Variants in NFIA observed in about 807,000 individuals in gnomAD.
NFIA encodes the protein nuclear factor I A.
NFIA carries 8 observed loss-of-function variants against 62.8 expected under a neutral mutation model. The observed-to-expected ratio is 0.13, with a 90% CI of 0.07 to 0.23. The LOEUF (loss-of-function observed/expected upper bound fraction) is 0.23. Ranked by LOEUF, NFIA falls within the 10% of genes least tolerant of loss-of-function variation. The pLI is 1.00. For missense variants in NFIA, 410 were observed against 642.1 expected, an observed-to-expected ratio of 0.64 and a Z score of 3.91; for synonymous variants, 235 against 238.1, an observed-to-expected ratio of 0.99 and a Z score of 0.12.
intron 6 of NFIA, among the ~76,000 whole-genome samples, chr1:61,360,953 G>A (rs1260342785): frequency 6.6e-6 from 1 of 152,080 alleles, no homozygotes; most frequent in African/African-American, 2.4e-5. Context: ...AGTCTTCACT[G>A]GGGACTTTCT....
intron 2 of NFIA, among the ~76,000 whole-genome samples, chr1:61,206,963 A>G (rs1221921213): frequency 6.6e-6 from 1 of 152,206 alleles, no homozygotes. Context: ...GGTACTGTTT[A>G]TATCTTTCGA....
intron 2 of NFIA, among the ~76,000 whole-genome samples, chr1:61,232,790 G>A (rs1360310394): frequency 2.0e-5 from 3 of 151,650 alleles, no homozygotes; most frequent in African/African-American, 7.3e-5. Context: ...TTTTATGTAA[G>A]TTTTTTTCTT....
At chr1:61,377,210 G>A (rs1055481280) in intron 6 of NFIA, among the ~76,000 whole-genome samples, 4 of 144,710 alleles carry the variant, frequency 2.8e-5, no homozygotes, top group African/African-American at 7.8e-5. Flanking sequence ...GTAACAGACC[G>A]AGACTCCATC....
At chr1:61,237,757 C>T (rs940223766) in intron 2 of NFIA, among the ~76,000 whole-genome samples, 10 of 152,124 alleles carry the variant, frequency 6.6e-5, no homozygotes, top group Admixed American at 2.0e-4. Flanking sequence ...TTTACCCTTA[C>T]CACTTTGCTG....
chr1:61,366,901 C>T (rs567214685), intron 6 of NFIA, among the ~76,000 whole-genome samples: 32 of 152,096 alleles, frequency 2.1e-4, no homozygotes, highest in African/African-American at 6.5e-4. Flanking sequence ...CCAGTCTGGG[C>T]GACAAGAACA....
At chr1:61,141,506 A>AG (rs1226073356) in intron 2 of NFIA, among the ~76,000 whole-genome samples, 1 of 152,190 alleles carries the variant, frequency 6.6e-6, no homozygotes, top group Non-Finnish European at 1.5e-5. Flanking sequence ...CAGCCCTTGA[A>AG]GGGGAGGCAA....
At chr1:61,308,221 C>T in intron 3 of NFIA, among the ~76,000 whole-genome samples, 1 of 152,166 alleles carries the variant, frequency 6.6e-6, no homozygotes, top group East Asian at 1.9e-4. Flanking sequence ...TGAAGGAAGT[C>T]ACATTTTCTT....
rs559601625 is a variant in NFIA, at chr1:61,146,098, T to G, written c.559+57418T>G. ...TAGGCTCCAGGGGAGAACCTGTTCC[T>G]TGGGCCTTCCAGCATCTAGAGGCTG... On this transcript the variant is annotated intron_variant, in intron 2 of 10. Coordinates refer to ENST00000403491, the MANE Select transcript of NFIA (RefSeq NM_001134673.4). Among the ~76,000 whole-genome samples the G allele has an allele frequency of 5.3e-5, 8 of 152,334 alleles. No individual in the cohort carries two copies. In the East Asian group the frequency reaches 1.5e-3, roughly 29 times the overall value.
At chr1:61,180,606 C>T (rs1650695471) in intron 2 of NFIA, among the ~76,000 whole-genome samples, 1 of 152,120 alleles carries the variant, frequency 6.6e-6, no homozygotes, top group Non-Finnish European at 1.5e-5. Flanking sequence ...AGACAGAAGT[C>T]TTGGGACTCT....
intron 2 of NFIA, among the ~76,000 whole-genome samples, chr1:61,264,567 C>T (rs1471116819): frequency 6.8e-6 from 1 of 147,576 alleles, no homozygotes; most frequent in African/African-American, 2.5e-5. Flanking sequence ...GGGAGAATTG[C>T]CAGAACCCGG....
In NFIA at chr1:61,141,761, C is replaced by T. The variant is rs546710429; in HGVS notation, c.559+53081C>T. Among the ~76,000 whole-genome samples the T allele has an allele frequency of 3.3e-5, 5 of 152,258 alleles. No homozygotes were observed. In the South Asian group the frequency reaches 6.2e-4, roughly 19 times the overall value. The stretch of plus-strand genomic sequence containing the variant: ...CACCAAAATAGTTTCATTAACACAG[C>T]GATCATGCTCAGGAGATAGTGGCTA... On this transcript the variant is annotated intron_variant, in intron 2 of 10. Transcript: ENST00000403491.
At position 61,359,162 on chromosome 1, in the gene NFIA, C is replaced by G; in HGVS notation, c.834C>G (p.Leu278=). Reference sequence around the variant, plus strand: ...GTTATTTCAGCTCCACAAAGCGCCTCAAGTCTGTGGAGGATGAAATGGACA... The same window carrying G: ...GTTATTTCAGCTCCACAAAGCGCCTGAAGTCTGTGGAGGATGAAATGGACA... ...STSSTSSTKR[L]KSVEDEMDSP... The change falls in exon 6 of 11, where the codon CTC becomes CTG. Residue 278 remains leucine (L), a synonymous_variant. Coordinates refer to ENST00000403491, the MANE Select transcript of NFIA (RefSeq NM_001134673.4). 1 of 1,613,382 alleles carries G rather than the reference C, an allele frequency of 6.2e-7. No individual in the cohort carries two copies. Among genetic ancestry groups the G allele is most frequent in the Non-Finnish European group, 8.5e-7 (1 of 1,179,940 alleles).
At chr1:61,225,932 G>C (rs1654304294) in intron 2 of NFIA, among the ~76,000 whole-genome samples, 2 of 152,090 alleles carry the variant, frequency 1.3e-5, no homozygotes, top group South Asian at 4.1e-4. Context: ...GCAACTTTAA[G>C]GGACCATAAA....
intron 2 of NFIA, among the ~76,000 whole-genome samples, chr1:61,246,508 C>G (rs1446973910): frequency 6.6e-6 from 1 of 152,096 alleles, no homozygotes; most frequent in African/African-American, 2.4e-5. Flanking sequence ...TGCATGACTT[C>G]AGATGCAGTA....
At chr1:61,081,533 C>A (rs904385784), upstream of NFIA, among the ~76,000 whole-genome samples, 1 of 152,138 alleles carries the variant, frequency 6.6e-6, no homozygotes, top group Non-Finnish European at 1.5e-5. Context: ...AAGGGGACAT[C>A]CCTTTCACAT....
At chr1:61,228,232 G>T (rs1174931852) in intron 2 of NFIA, among the ~76,000 whole-genome samples, 1 of 152,164 alleles carries the variant, frequency 6.6e-6, no homozygotes, top group Non-Finnish European at 1.5e-5. Flanking sequence ...TGTGTTTTGA[G>T]AGTCCATTTT....
At chr1:61,312,199 G>A (rs963569388) in intron 3 of NFIA, among the ~76,000 whole-genome samples, 6 of 152,240 alleles carry the variant, frequency 3.9e-5, no homozygotes, top group Non-Finnish European at 8.8e-5. Flanking sequence ...TTGCAGCACA[G>A]TTGGCCTGCT....
intron 3 of NFIA, among the ~76,000 whole-genome samples, chr1:61,299,991 G>A (rs562284279): frequency 1.3e-5 from 2 of 151,950 alleles, no homozygotes; most frequent in Non-Finnish European, 2.9e-5. Flanking sequence ...GAGTATATCC[G>A]TATTTTTGAG....
At chr1:61,211,701 A>G (rs1653269421) in intron 2 of NFIA, among the ~76,000 whole-genome samples, 1 of 151,968 alleles carries the variant, frequency 6.6e-6, no homozygotes, top group African/African-American at 2.4e-5. Context: ...TTTTCTTTTC[A>G]TTTTTATTTT....
Sources: gnomAD v4.1 joint callset for allele counts (sites outside exome capture counted in the v4.1 genomes callset) on GRCh38, gnomAD v4.1.1 for gene constraint, MANE v1.5 for transcripts, NCBI Gene and HGNC (gene_info 2026-07-23, HGNC 2026-07-21) for gene names.